INHBC: variants seen among roughly 807,000 people sequenced by gnomAD.
INHBC encodes the protein inhibin subunit beta C, also known as inhibin beta C chain.
INHBC carries 10 observed loss-of-function variants against 12.4 expected under a neutral mutation model. The ratio of observed to expected loss-of-function variants is 0.81; its 90% CI spans 0.50 to 1.37. INHBC has a LOEUF of 1.37. Among genes scored for constraint, INHBC ranks in the 40% most tolerant of loss-of-function variants. The pLI, the probability that INHBC is intolerant of heterozygous loss-of-function variation, is 0.00. For missense variants in INHBC, 382 were observed against 439.4 expected, an observed-to-expected ratio of 0.87 and a Z score of 1.17; for synonymous variants, 147 against 171.6, an observed-to-expected ratio of 0.86 and a Z score of 1.12.
chr12:57,436,451 C>A (rs2139829388), intron 1 of INHBC, among the ~76,000 whole-genome samples: 1 of 149,036 alleles, frequency 6.7e-6, no homozygotes, highest in Non-Finnish European at 1.5e-5. Context: ...GTGTGAGCCA[C>A]TGTGCCTGGC....
At chr12:57,448,402 C>T (rs1004057254) in intron 1 of INHBC, among the ~76,000 whole-genome samples, 1 of 151,842 alleles carries the variant, frequency 6.6e-6, no homozygotes, top group Non-Finnish European at 1.5e-5. Context: ...AACCCCATCT[C>T]TACTAAAAAT....
chr12:57,450,209 C>CATCT lies in INHBC; in HGVS notation c.*188_*191dup. Reference sequence around the variant, plus strand: ...CTTCATCTAAAGCAAGTCACTGTGCCATCTTCCTGACCACTACCCTCTTTC... The same window carrying CATCT: ...CTTCATCTAAAGCAAGTCACTGTGCCATCTATCTTCCTGACCACTACCCTCTTTC... On this transcript the variant is annotated 3_prime_UTR_variant, in exon 2 of 2. Coordinates refer to ENST00000309668, the MANE Select transcript of INHBC (RefSeq NM_005538.4). 2 of 553,304 alleles carry CATCT rather than the reference C, an allele frequency of 3.6e-6. No individual in the cohort carries two copies. The highest frequency in any genetic ancestry group is 5.9e-6 in the Non-Finnish European group (2 of 338,894). 34.3% of individuals were successfully genotyped at this position (553,304 alleles called of 1,614,324 possible). A position where few individuals can be genotyped will look rare whatever the true frequency, so the allele number is the denominator to read the frequency against.
In INHBC at chr12:57,444,895, C is replaced by T. The variant is rs746009612; in HGVS notation, c.314-4382C>T. Among the ~76,000 whole-genome samples, 7 of 152,164 alleles carry T rather than the reference C, an allele frequency of 4.6e-5. No individual in the cohort carries two copies. The East Asian group carries it at 7.7e-4, about 17-fold the overall frequency. ...ACAGGGTCTCACTATGTTGCCCAGTCGGTCTCAAACTCCTGGCCTCAAGCA... is the reference window on the plus strand; with the variant it reads ...ACAGGGTCTCACTATGTTGCCCAGTTGGTCTCAAACTCCTGGCCTCAAGCA... On this transcript the variant is annotated intron_variant, in intron 1 of 1. Coordinates refer to ENST00000309668, the MANE Select transcript of INHBC (RefSeq NM_005538.4).
Position 57,434,860 on chromosome 12 carries a change from A to C in INHBC, c.-27A>C. On this transcript the variant is annotated 5_prime_UTR_variant, in exon 1 of 2. Coordinates refer to ENST00000309668, the MANE Select transcript of INHBC (RefSeq NM_005538.4). ...TTGAGACCCTGAGCCCTGAGTCTGTATTGCTCAAGAAGGGCCTTCCCCAGC... is the reference window on the plus strand; with the variant it reads ...TTGAGACCCTGAGCCCTGAGTCTGTCTTGCTCAAGAAGGGCCTTCCCCAGC... 1.3e-6 allele frequency: 2 copies of C among 1,586,806 alleles called. No homozygotes were observed. Among genetic ancestry groups the C allele is most frequent in the Non-Finnish European group, 1.7e-6 (2 of 1,164,528 alleles).
In INHBC at chr12:57,449,215, G is replaced by C. The variant is rs901043854; in HGVS notation, c.314-62G>C. ...ACAACTCAAGAATGCTGAGTACAGA[G>C]AAATAGTTGGTAGAACTGACAGTCA... is the stretch of plus-strand genomic sequence containing the variant. On this transcript the variant is annotated intron_variant, in intron 1 of 1. Transcript: ENST00000309668. The C allele has an allele frequency of 8.4e-6, 13 of 1,551,248 alleles. No individual in the cohort carries two copies. In the African/African-American group the frequency reaches 1.6e-4, roughly 20 times the overall value.
chr12:57,445,377 TAAAG>T (rs144850778), intron 1 of INHBC, among the ~76,000 whole-genome samples: 2,840 of 152,264 alleles, frequency 0.019, 64 homozygotes, highest in African/African-American at 0.057. Context: ...AAGCTACAGT[TAAAG>T]AAAAAGATGG....
At chr12:57,449,256 T>C (rs1870652300) in intron 1 of INHBC, 21 bp from the exon 2 acceptor site, 1 of 1,594,008 alleles carries the variant, frequency 6.3e-7, no homozygotes, top group Non-Finnish European at 8.5e-7. Flanking sequence ...CCGCAATGAC[T>C]GGGGCTTCTT....
At chr12:57,444,973 C>T (rs138761431) in intron 1 of INHBC, among the ~76,000 whole-genome samples, 47 of 152,298 alleles carry the variant, frequency 3.1e-4, no homozygotes, top group African/African-American at 1.0e-3. Flanking sequence ...TGTGCCACCA[C>T]GCCTGGCTGA....
chr12:57,445,715 C>CCA (rs1555325052), intron 1 of INHBC, among the ~76,000 whole-genome samples: 4 of 142,982 alleles, frequency 2.8e-5, no homozygotes, highest in East Asian at 2.3e-4. Flanking sequence ...ATAGTGAGAC[C>CCA]CCCCGCCCAT....
Position 57,449,343 on chromosome 12 carries a change from G to C in INHBC, c.380G>C (p.Arg127Thr). 1.2e-6 allele frequency: 2 copies of C among 1,614,168 alleles called. No individual in the cohort carries two copies. Among genetic ancestry groups the C allele is most frequent in the African/African-American group, 2.7e-5 (2 of 75,056 alleles). ...HFSSDRTAGD[R>T]EVQQASLMFF... is the part of the protein sequence containing the mutation. ...TCCTCTGATAGAACTGCTGGTGACA[G>C]GGAGGTCCAGCAGGCCAGTCTCATG... Residue 127 changes from arginine to threonine, a missense_variant, in exon 2 of 2, where the codon AGG becomes ACG. Transcript: ENST00000309668.
intron 1 of INHBC, among the ~76,000 whole-genome samples, chr12:57,445,906 G>A (rs919003072): frequency 6.6e-6 from 1 of 150,794 alleles, no homozygotes; most frequent in Non-Finnish European, 1.5e-5. Flanking sequence ...CAGCATGCCT[G>A]GCTAATTTTT....
chr12:57,443,186 C>T (rs1432795521), intron 1 of INHBC, among the ~76,000 whole-genome samples: 4 of 135,034 alleles, frequency 3.0e-5, no homozygotes, highest in African/African-American at 5.6e-5. Context: ...GGTGCGACCT[C>T]GGCTCACTGC....
At position 57,449,649 on chromosome 12, in the gene INHBC, G is replaced by T; in HGVS notation, c.686G>T (p.Gly229Val). The change falls in exon 2 of 2, where the codon GGC becomes GTC. Residue 229 changes from glycine (G) to valine (V), a missense_variant. Coordinates refer to ENST00000309668, the MANE Select transcript of INHBC (RefSeq NM_005538.4). Reference protein sequence around the residue: ...PFVAARVRVGGKHQIHRRGID... With the variant: ...PFVAARVRVGVKHQIHRRGID... ...GTGGCAGCCCGGGTGAGAGTTGGGGGCAAACACCAGATTCACCGACGAGGC... is the reference window on the plus strand; with the variant it reads ...GTGGCAGCCCGGGTGAGAGTTGGGGTCAAACACCAGATTCACCGACGAGGC... 6.2e-7 allele frequency: 1 copy of T among 1,614,224 alleles called. No homozygotes were observed. The highest frequency in any genetic ancestry group is 8.5e-7 in the Non-Finnish European group (1 of 1,180,044).
chr12:57,445,719 C>G (rs1183847507), intron 1 of INHBC, among the ~76,000 whole-genome samples: 2 of 141,308 alleles, frequency 1.4e-5, no homozygotes, highest in African/African-American at 2.6e-5. Flanking sequence ...TGAGACCCCC[C>G]GCCCATCTCC....
chr12:57,450,146 A>G lies in INHBC; in HGVS notation c.*124A>G. 1 of 1,087,562 alleles carries G rather than the reference A, an allele frequency of 9.2e-7. No homozygotes were observed. The highest frequency in any genetic ancestry group is 1.6e-5 in the African/African-American group (1 of 62,958). 67.4% of individuals were successfully genotyped at this position (1,087,562 alleles called of 1,614,324 possible). A position where few individuals can be genotyped will look rare whatever the true frequency, so the allele number is the denominator to read the frequency against. ...GAATGTGGACTCCCTCTTCCTGAGCATCTTATGGAAATTACCCCACCTTTG... is the reference window on the plus strand; with the variant it reads ...GAATGTGGACTCCCTCTTCCTGAGCGTCTTATGGAAATTACCCCACCTTTG... On this transcript the variant is annotated 3_prime_UTR_variant, in exon 2 of 2. Coordinates refer to ENST00000309668, the MANE Select transcript of INHBC (RefSeq NM_005538.4).
chr12:57,446,099 T>G (rs1023212851), intron 1 of INHBC, among the ~76,000 whole-genome samples: 1 of 152,008 alleles, frequency 6.6e-6, no homozygotes, highest in Non-Finnish European at 1.5e-5. Context: ...CATGCCTGGC[T>G]GATTTTTTGT....
At position 57,449,532 on chromosome 12, in the gene INHBC, G is replaced by A; in HGVS notation, c.569G>A (p.Cys190Tyr). The change falls in exon 2 of 2, where the codon TGC (cysteine) becomes TAC (tyrosine). Residue 190 changes from cysteine (C) to tyrosine (Y), a missense_variant. Cys to Tyr is a radical substitution (Grantham distance 194). Transcript: ENST00000309668. Reference protein sequence around the residue: ...LPLGPEAQAACSQGHLTLELV... With the variant: ...LPLGPEAQAAYSQGHLTLELV... ...CTAGGGCCTGAAGCTCAAGCTGCCT[G>A]CAGCCAGGGGCACCTGACCCTGGAG... 1 of 1,614,218 alleles carries A rather than the reference G, an allele frequency of 6.2e-7. No homozygotes were observed. Among genetic ancestry groups the A allele is most frequent in the Non-Finnish European group, 8.5e-7 (1 of 1,180,038 alleles).
At chr12:57,444,217 G>T (rs1216323481) in intron 1 of INHBC, among the ~76,000 whole-genome samples, 1 of 151,934 alleles carries the variant, frequency 6.6e-6, no homozygotes, top group East Asian at 1.9e-4. Context: ...AGAAAGAGGG[G>T]TAGGAGAAAT....
Position 57,449,566 on chromosome 12 carries a change from T to C in INHBC, c.603T>C (p.Leu201=). 6.2e-7 allele frequency: 1 copy of C among 1,614,206 alleles called. No individual in the cohort carries two copies. The highest frequency in any genetic ancestry group is 8.5e-7 in the Non-Finnish European group (1 of 1,180,024). ...SQGHLTLELV[L]EGQVAQSSVI... ...GGCACCTGACCCTGGAGCTGGTACT[T>C]GAAGGCCAGGTAGCCCAGAGCTCAG... Residue 201 remains leucine (L), a synonymous_variant, in exon 2 of 2, where the codon CTT becomes CTC. Coordinates refer to ENST00000309668, the MANE Select transcript of INHBC (RefSeq NM_005538.4).
Sources: gnomAD v4.1 joint callset for allele counts (sites outside exome capture counted in the v4.1 genomes callset) on GRCh38, gnomAD v4.1.1 for gene constraint, MANE v1.5 for transcripts, NCBI Gene and HGNC (gene_info 2026-07-23, HGNC 2026-07-21) for gene names.